Variants in COG5 observed in about 807,000 individuals in gnomAD.
The protein encoded by COG5 is conserved oligomeric Golgi complex subunit 5.
COG5 carries 86 observed loss-of-function variants against 110.4 expected under a neutral mutation model. The ratio of observed to expected loss-of-function variants is 0.78; its 90% confidence interval spans 0.65 to 0.93. The LOEUF (loss-of-function observed/expected upper bound fraction) is 0.93, where lower values mean the gene tolerates loss of function less well. Ranked by LOEUF, COG5 falls within the 40% of genes least tolerant of loss-of-function variation. The probability of loss-of-function intolerance (pLI) is 0.00; values close to 1 mark genes in which losing one functional copy is unlikely to be tolerated. For synonymous variants in COG5, 360 were observed against 334.6 expected (o/e 1.08, Z -0.83); for missense variants, 1,077 against 987.0 (o/e 1.09, Z -1.22).
Position 107,246,066 on chromosome 7 carries a change from C to A in COG5, c.1853+2330G>T, listed in dbSNP as rs542105413. ...AAAGCCCAGAAATAAGGTCGCACAT[C>A]TGTGACCATCTGATCTTCAACAATG... On this transcript the variant is annotated intron_variant, in intron 17 of 21. Transcript: ENST00000297135. 3.9e-5 allele frequency among the ~76,000 whole-genome samples: 6 copies of A among 152,304 alleles called. No individual in the cohort carries two copies. In the South Asian group the frequency reaches 1.2e-3, roughly 32 times the overall value.
At chr7:107,287,827 C>G (rs1304073098) in intron 12 of COG5, among the ~76,000 whole-genome samples, 2 of 152,006 alleles carry the variant, frequency 1.3e-5, no homozygotes, top group African/African-American at 4.8e-5. Flanking sequence ...ATGTACAGTA[C>G]TTCATTTCTT....
chr7:107,534,113 T>C (rs1801407153), intron 5 of COG5, among the ~76,000 whole-genome samples: 1 of 151,604 alleles, frequency 6.6e-6, no homozygotes, highest in African/African-American at 2.4e-5. Flanking sequence ...GACAAGCAGA[T>C]GCTGAGAGAT....
At chr7:107,529,691 T>G (rs1361638473) in intron 5 of COG5, among the ~76,000 whole-genome samples, 1 of 152,210 alleles carries the variant, frequency 6.6e-6, no homozygotes, top group Non-Finnish European at 1.5e-5. Context: ...CTGACCTCAG[T>G]GCCCACGTGG....
chr7:107,457,319 C>T (rs548465704), intron 6 of COG5, among the ~76,000 whole-genome samples: 3 of 146,640 alleles, frequency 2.0e-5, no homozygotes, highest in Middle Eastern at 3.5e-3. Context: ...GAAACAGGAA[C>T]CAGAGCAACC....
chr7:107,509,886 G>C (rs1475345691), intron 6 of COG5, among the ~76,000 whole-genome samples: 1 of 152,096 alleles, frequency 6.6e-6, no homozygotes, highest in African/African-American at 2.4e-5. Context: ...CCCTAAAAGA[G>C]CTCCTGAAAG....
chr7:107,221,228 T>C (rs1323515411), intron 19 of COG5, among the ~76,000 whole-genome samples: 5 of 151,768 alleles, frequency 3.3e-5, no homozygotes, highest in Admixed American at 1.3e-4. Flanking sequence ...TGCCATGTGA[T>C]AGAGTAGGGT....
At chr7:107,349,687 A>G (rs184583609) in intron 10 of COG5, among the ~76,000 whole-genome samples, 2 of 152,204 alleles carry the variant, frequency 1.3e-5, no homozygotes, top group Admixed American at 1.3e-4. Context: ...CCTCCCAAGT[A>G]GCTGGTACTA....
intron 10 of COG5, among the ~76,000 whole-genome samples, chr7:107,351,647 A>G (rs1812148617): frequency 6.6e-6 from 1 of 152,220 alleles, no homozygotes; most frequent in Admixed American, 6.5e-5. Context: ...AAAAGTGAGC[A>G]AAGGATACGA....
chr7:107,545,037 A>G (rs1309197778), intron 5 of COG5, among the ~76,000 whole-genome samples: 1 of 152,190 alleles, frequency 6.6e-6, no homozygotes, highest in Non-Finnish European at 1.5e-5. Context: ...ACTCAATCAC[A>G]TAAAAGAATC....
At chr7:107,224,365 G>A (rs1212869925) in intron 19 of COG5, among the ~76,000 whole-genome samples, 1 of 152,196 alleles carries the variant, frequency 6.6e-6, no homozygotes, top group Non-Finnish European at 1.5e-5. Context: ...ACAATTGACA[G>A]GAACACTACA....
At chr7:107,454,962 TG>T (rs528681854) in intron 6 of COG5, among the ~76,000 whole-genome samples, 200 of 152,232 alleles carry the variant, frequency 1.3e-3, no homozygotes, top group Non-Finnish European at 2.5e-3. Flanking sequence ...GAAAAAAAGC[TG>T]TTAATTTATG....
intron 6 of COG5, among the ~76,000 whole-genome samples, chr7:107,429,593 T>C (rs1455064256): frequency 6.6e-6 from 1 of 152,132 alleles, no homozygotes; most frequent in Non-Finnish European, 1.5e-5. Flanking sequence ...CTTTTGCTCA[T>C]TTTTTAGTTG....
intron 6 of COG5, among the ~76,000 whole-genome samples, chr7:107,490,174 T>C (rs1350371460): frequency 6.6e-6 from 1 of 152,166 alleles, no homozygotes; most frequent in Non-Finnish European, 1.5e-5. Flanking sequence ...TAAATGTTTC[T>C]ACTCTCTTCC....
At chr7:107,305,954 T>C (rs1344032987) in intron 11 of COG5, among the ~76,000 whole-genome samples, 1 of 152,116 alleles carries the variant, frequency 6.6e-6, no homozygotes, top group African/African-American at 2.4e-5. Context: ...AAGAAAAGAT[T>C]ACAAAAGTGT....
At chr7:107,293,151 G>T (rs1437839550) in intron 12 of COG5, among the ~76,000 whole-genome samples, 1 of 152,136 alleles carries the variant, frequency 6.6e-6, no homozygotes, top group African/African-American at 2.4e-5. Flanking sequence ...TCCCAGCAAA[G>T]AATCACTATT....
intron 6 of COG5, chr7:107,450,181 T>A (rs557073430): frequency 6.4e-6 from 1 of 155,054 alleles, no homozygotes; most frequent in African/African-American, 2.4e-5. Flanking sequence ...AAATCAGCCA[T>A]CCTGCCAAGT....
At position 107,545,852 on chromosome 7, in the gene COG5, T is replaced by G. The variant is rs190407894; in HGVS notation, c.417+2259A>C. 2.2e-4 allele frequency among the ~76,000 whole-genome samples: 34 copies of G among 151,296 alleles called. No individual in the cohort carries two copies. The East Asian group carries it at 6.0e-3, about 27-fold the overall frequency. On this transcript the variant is annotated intron_variant, in intron 5 of 21. Coordinates refer to ENST00000297135, the MANE Select transcript of COG5 (RefSeq NM_006348.5). ...AAATCAATTTTGAAACAACAGACTT[T>G]AACTACACTCTAAAACAAATAAACT...
At chr7:107,438,830 C>A (rs771789466) in intron 6 of COG5, among the ~76,000 whole-genome samples, 1 of 152,098 alleles carries the variant, frequency 6.6e-6, no homozygotes. Flanking sequence ...TAAATTCATA[C>A]CTTCTTGTTC....
At chr7:107,324,360 T>C (rs1809573267) in intron 11 of COG5, 80 bp downstream of exon 11, 1 of 921,998 alleles carries the variant, frequency 1.1e-6, no homozygotes, top group African/African-American at 1.7e-5. Flanking sequence ...TGTAAACCAA[T>C]ACAGCAAAGC....
Sources: allele counts gnomAD v4.1 joint callset (sites outside exome capture counted in the v4.1 genomes callset), GRCh38; gene constraint gnomAD v4.1.1; transcripts MANE v1.5; gene names NCBI Gene and HGNC (gene_info 2026-07-23, HGNC 2026-07-21).